Variants in ZNF804B observed in about 807,000 individuals in gnomAD.
ZNF804B encodes zinc finger protein 804B, also known as zinc finger 804B.
A neutral mutation model predicts 101.4 loss-of-function variants in ZNF804B; 80 were observed. That is an observed-to-expected ratio of 0.79 (90% CI 0.66 to 0.95). The LOEUF (loss-of-function observed/expected upper bound fraction) is 0.95, where lower values mean the gene tolerates loss of function less well. ZNF804B is among the 40% of genes least tolerant of loss of function. The pLI, the probability that ZNF804B is intolerant of heterozygous loss-of-function variation, is 0.00. For synonymous variants in ZNF804B, 622 were observed against 558.8 expected (o/e 1.11, Z -1.59); for missense variants, 1,673 against 1,561.9 (o/e 1.07, Z -1.20).
At chr7:88,851,921 T>C (rs573642780) in intron 1 of ZNF804B, among the ~76,000 whole-genome samples, 1 of 152,234 alleles carries the variant, frequency 6.6e-6, no homozygotes, top group African/African-American at 2.4e-5. Context: ...TACCATGTGA[T>C]ATGAAATACT....
intron 2 of ZNF804B, among the ~76,000 whole-genome samples, chr7:89,269,813 G>T: frequency 6.6e-6 from 1 of 152,054 alleles, no homozygotes; most frequent in African/African-American, 2.4e-5. Flanking sequence ...TCTGATGGCC[G>T]GTGATGATGA....
At position 88,759,756 on chromosome 7, in the gene ZNF804B, T is replaced by C. The variant is rs1789861264; in HGVS notation, c.-221T>C. ...CTCGCCGGGTCCCCTCCGTGCTCTG[T>C]GCTGTCGCCGCCGCCGCCTCTGTCA... On this transcript the variant is annotated 5_prime_UTR_variant, in exon 1 of 4. Coordinates refer to ENST00000333190, the MANE Select transcript of ZNF804B (RefSeq NM_181646.5). 47 of 579,068 alleles carry C rather than the reference T, an allele frequency of 8.1e-5. 1 individual carries two copies. The South Asian group carries it at 9.2e-4, about 11-fold the overall frequency. 35.9% of individuals were successfully genotyped at this position (579,068 alleles called of 1,614,324 possible).
chr7:88,815,640 A>G (rs539986436), intron 1 of ZNF804B, among the ~76,000 whole-genome samples: 5 of 151,932 alleles, frequency 3.3e-5, no homozygotes, highest in African/African-American at 9.7e-5. Flanking sequence ...TCACCTTCTC[A>G]GGCTCTGACA....
chr7:88,984,159 ACAGAGATATGTGGATG>A (rs1793728914), intron 1 of ZNF804B, among the ~76,000 whole-genome samples: 1 of 152,102 alleles, frequency 6.6e-6, no homozygotes, highest in Admixed American at 6.6e-5. Flanking sequence ...TCACTCTAGC[ACAGAGATATGTGGATG>A]CTCGATCTTG....
At chr7:89,061,418 T>C (rs1789377035) in intron 1 of ZNF804B, among the ~76,000 whole-genome samples, 2 of 151,910 alleles carry the variant, frequency 1.3e-5, no homozygotes, top group South Asian at 2.1e-4. Context: ...GGTGTATTCA[T>C]ATCAGGGAAA....
At chr7:88,997,256 G>T (rs1788216042) in intron 1 of ZNF804B, among the ~76,000 whole-genome samples, 1 of 151,896 alleles carries the variant, frequency 6.6e-6, no homozygotes, top group African/African-American at 2.4e-5. Context: ...ATTTAAAGTG[G>T]TTACCTCATT....
chr7:89,194,654 C>A (rs1441009079), intron 1 of ZNF804B, among the ~76,000 whole-genome samples: 1 of 149,584 alleles, frequency 6.7e-6, no homozygotes, highest in African/African-American at 2.4e-5. Flanking sequence ...AGGGCTCTGT[C>A]CTGTTCCATT....
chr7:89,221,376 A>T (rs566851993), intron 2 of ZNF804B, among the ~76,000 whole-genome samples: 46 of 152,120 alleles, frequency 3.0e-4, no homozygotes, highest in African/African-American at 1.1e-3. Flanking sequence ...AGACCAGGAA[A>T]GGTCTCATGC....
intron 1 of ZNF804B, among the ~76,000 whole-genome samples, chr7:89,013,400 C>T (rs900540247): frequency 3.9e-5 from 6 of 152,096 alleles, no homozygotes; most frequent in Non-Finnish European, 8.8e-5. Flanking sequence ...CTAATTTTGG[C>T]CTGATGGTGG....
chr7:89,133,973 C>A (rs544782438), intron 1 of ZNF804B, among the ~76,000 whole-genome samples: 2 of 151,944 alleles, frequency 1.3e-5, no homozygotes, highest in Non-Finnish European at 2.9e-5. Context: ...ATCTAAGTCA[C>A]GGAATTTATG....
intron 1 of ZNF804B, among the ~76,000 whole-genome samples, chr7:88,980,669 G>GTC (rs761485439): frequency 3.3e-5 from 5 of 151,956 alleles, no homozygotes; most frequent in Admixed American, 1.3e-4. Flanking sequence ...TTCAAACAGA[G>GTC]TCTCTCTCTT....
intron 1 of ZNF804B, among the ~76,000 whole-genome samples, chr7:88,799,776 A>C (rs1790551395): frequency 6.6e-6 from 1 of 152,100 alleles, no homozygotes; most frequent in African/African-American, 2.4e-5. Flanking sequence ...TTCTTGAGAC[A>C]GAGCAGGGAA....
chr7:88,778,438 A>T (rs942739239), intron 1 of ZNF804B, among the ~76,000 whole-genome samples: 2 of 152,242 alleles, frequency 1.3e-5, no homozygotes, highest in East Asian at 3.8e-4. Flanking sequence ...GATCGTGGAC[A>T]TCTATGAAGA....
rs533985320 is a variant in ZNF804B at position 89,221,416 on chromosome 7, A to G, written c.249+3121A>G. 7.7e-4 allele frequency among the ~76,000 whole-genome samples: 117 copies of G among 152,092 alleles called. 1 individual carries two copies. The highest frequency in any genetic ancestry group is 3.4e-3 in the Middle Eastern group (1 of 294). ...GTGGAATTTGATTTGTGCCTTACACACGTATAAATGGATGTTAAAATAGAG... is the reference window on the plus strand; with the variant it reads ...GTGGAATTTGATTTGTGCCTTACACGCGTATAAATGGATGTTAAAATAGAG... On this transcript the variant is annotated intron_variant, in intron 2 of 3. Coordinates refer to ENST00000333190, the MANE Select transcript of ZNF804B (RefSeq NM_181646.5).
chr7:88,909,258 C>T (rs1792514773), intron 1 of ZNF804B, among the ~76,000 whole-genome samples: 1 of 151,816 alleles, frequency 6.6e-6, no homozygotes, highest in Non-Finnish European at 1.5e-5. Context: ...TTATGAAAAA[C>T]TGTTTTTCCT....
chr7:88,887,589 C>A (rs1184058106), intron 1 of ZNF804B, among the ~76,000 whole-genome samples: 1 of 152,092 alleles, frequency 6.6e-6, no homozygotes, highest in African/African-American at 2.4e-5. Context: ...CATAGGTGTG[C>A]AGCCTTATTT....
chr7:89,045,801 C>A (rs1166191121), intron 1 of ZNF804B, among the ~76,000 whole-genome samples: 3 of 152,130 alleles, frequency 2.0e-5, no homozygotes, highest in African/African-American at 4.8e-5. Flanking sequence ...AAGGGACTTG[C>A]CTTGTCTCAG....
intron 2 of ZNF804B, among the ~76,000 whole-genome samples, chr7:89,309,015 G>A (rs73210804): frequency 0.03 from 4,637 of 152,074 alleles, 106 homozygotes; most frequent in Middle Eastern, 0.086. Flanking sequence ...AGAATCAGGG[G>A]GTACATGTGC....
chr7:89,134,049 G>A (rs1298486992), intron 1 of ZNF804B, among the ~76,000 whole-genome samples: 1 of 152,032 alleles, frequency 6.6e-6, no homozygotes, highest in African/African-American at 2.4e-5. Context: ...GTGAATGGCT[G>A]ATTGTCTGGT....
Sources: allele counts gnomAD v4.1 joint callset (sites outside exome capture counted in the v4.1 genomes callset), GRCh38; gene constraint gnomAD v4.1.1; transcripts MANE v1.5; gene names NCBI Gene and HGNC (gene_info 2026-07-23, HGNC 2026-07-21).